GNAO1: variants seen among roughly 807,000 people sequenced by gnomAD.
The protein encoded by GNAO1 is guanine nucleotide-binding protein G(o) subunit alpha.
For synonymous variants in GNAO1, 164 were observed against 180.7 expected, an observed-to-expected ratio of 0.91 and a Z score of 0.74; for missense variants, 166 against 478.7, an observed-to-expected ratio of 0.35 and a Z score of 6.10.
At chr16:56,214,638 G>C (rs985343944) in intron 2 of GNAO1, among the ~76,000 whole-genome samples, 2 of 152,192 alleles carry the variant, frequency 1.3e-5, no homozygotes, top group Non-Finnish European at 2.9e-5. Flanking sequence ...CCTCAAGTCT[G>C]CCCTCAGCAT....
chr16:56,267,779 G>A (rs1269787517), intron 2 of GNAO1, among the ~76,000 whole-genome samples: 6 of 152,194 alleles, frequency 3.9e-5, no homozygotes, highest in South Asian at 4.1e-4. Flanking sequence ...TGTGTCTGTC[G>A]CTTTTATCCC....
At chr16:56,333,193 G>A (rs570603470) in intron 4 of GNAO1, among the ~76,000 whole-genome samples, 1 of 151,026 alleles carries the variant, frequency 6.6e-6, no homozygotes, top group African/African-American at 2.4e-5. Context: ...TCCCAGCCAA[G>A]TGCATTTTCT....
At chr16:56,244,495 G>A (rs765786933) in intron 2 of GNAO1, among the ~76,000 whole-genome samples, 127 of 152,124 alleles carry the variant, frequency 8.3e-4, no homozygotes, top group Non-Finnish European at 1.5e-3. Flanking sequence ...GAGAAGCTTC[G>A]ATTAGCAGTC....
intron 2 of GNAO1, among the ~76,000 whole-genome samples, chr16:56,195,074 CT>C (rs76130140): frequency 0.034 from 3,220 of 93,594 alleles, 101 homozygotes; most frequent in African/African-American, 0.11. Flanking sequence ...TTTACTTCTC[CT>C]TTTTTTTTTT....
At chr16:56,313,530 G>A (rs72814454) in intron 3 of GNAO1, among the ~76,000 whole-genome samples, 6,534 of 151,926 alleles carry the variant, frequency 0.043, 274 homozygotes, top group Admixed American at 0.13. Flanking sequence ...AAAATGGCTC[G>A]GTTCTCACAC....
chr16:56,209,317 T>C (rs1250651484), intron 2 of GNAO1, among the ~76,000 whole-genome samples: 3 of 152,188 alleles, frequency 2.0e-5, no homozygotes, highest in African/African-American at 7.2e-5. Flanking sequence ...TAGCATCCCA[T>C]TGGACTCTAT....
At chr16:56,318,428 T>A (rs897844953) in intron 3 of GNAO1, among the ~76,000 whole-genome samples, 3 of 152,216 alleles carry the variant, frequency 2.0e-5, no homozygotes, top group Non-Finnish European at 4.4e-5. Context: ...GGCCCTGCAA[T>A]GCCTGGTCTC....
At chr16:56,323,371 A>G (rs1478977017) in intron 3 of GNAO1, among the ~76,000 whole-genome samples, 2 of 152,142 alleles carry the variant, frequency 1.3e-5, no homozygotes, top group Non-Finnish European at 2.9e-5. Flanking sequence ...GAAAACACAC[A>G]CTGAAGATAG....
chr16:56,347,925 C>T, intron 6 of GNAO1: 1 of 929,418 alleles, frequency 1.1e-6, no homozygotes, highest in Non-Finnish European at 1.3e-6. Flanking sequence ...CCACCCTGCC[C>T]CTGCTGAGTA....
chr16:56,320,303 G>GT (rs1450457943), intron 3 of GNAO1, among the ~76,000 whole-genome samples: 6 of 152,176 alleles, frequency 3.9e-5, no homozygotes, highest in African/African-American at 1.4e-4. Context: ...ACGTGGAGCC[G>GT]TGTATACTCG....
intron 5 of GNAO1, among the ~76,000 whole-genome samples, chr16:56,335,813 GC>G (rs1233664566): frequency 6.6e-6 from 1 of 152,234 alleles, no homozygotes; most frequent in East Asian, 1.9e-4. Context: ...GGCCACAGAG[GC>G]CATCTGCCAA....
At chr16:56,314,936 A>G (rs1446602769) in intron 3 of GNAO1, among the ~76,000 whole-genome samples, 1 of 152,206 alleles carries the variant, frequency 6.6e-6, no homozygotes, top group Non-Finnish European at 1.5e-5. Flanking sequence ...TCCCAAAGCC[A>G]GTCAGAGGCA....
chr16:56,213,083 C>T (rs1169107106), intron 2 of GNAO1, among the ~76,000 whole-genome samples: 2 of 152,246 alleles, frequency 1.3e-5, no homozygotes, highest in Non-Finnish European at 2.9e-5. Context: ...ACAGCTAAGC[C>T]AGGCCAGACC....
In GNAO1 at chr16:56,275,958, A is replaced by C. The variant is rs1442215455; in HGVS notation, c.189A>C (p.Gly63=). The C allele has an allele frequency of 6.2e-7, 1 of 1,613,696 alleles. No homozygotes were observed. Among genetic ancestry groups the C allele is most frequent in the Non-Finnish European group, 8.5e-7 (1 of 1,179,814 alleles). ...TCATCCATGAAGATGGCTTCTCCGGAGAAGACGTGAAACAGTACAAGCCTG... is the reference window on the plus strand; with the variant it reads ...TCATCCATGAAGATGGCTTCTCCGGCGAAGACGTGAAACAGTACAAGCCTG... ...MKIIHEDGFS[G]EDVKQYKPVV... is the part of the protein sequence containing the mutation. Residue 63 remains glycine, a synonymous_variant, in exon 3 of 9, where the codon GGA becomes GGC. Transcript: ENST00000262493.
intron 3 of GNAO1, among the ~76,000 whole-genome samples, chr16:56,280,560 G>C (rs1187120380): frequency 1.3e-5 from 2 of 152,122 alleles, no homozygotes; most frequent in African/African-American, 2.4e-5. Flanking sequence ...TATGATGATG[G>C]CATGTGCAGA....
At chr16:56,277,676 G>T (rs2037072799) in intron 3 of GNAO1, among the ~76,000 whole-genome samples, 1 of 151,968 alleles carries the variant, frequency 6.6e-6, no homozygotes. Flanking sequence ...CATGGCACAA[G>T]CCACAGGCCT....
In GNAO1 at chr16:56,239,343, G is replaced by GA. The variant is rs534545773; in HGVS notation, c.162-36582dup. Among the ~76,000 whole-genome samples the GA allele has an allele frequency of 3.0e-3, 459 of 152,230 alleles. 2 individuals carry two copies. The highest frequency in any genetic ancestry group is 4.8e-3 in the Non-Finnish European group (326 of 67,982). ...GCCCCAAATAGGTGGTCTCAAAAGA[G>GA]AAAAAAGACTTATGTTTTAATAAAA... is the stretch of plus-strand genomic sequence containing the variant. On this transcript the variant is annotated intron_variant, in intron 2 of 8. Coordinates refer to ENST00000262493, the MANE Select transcript of GNAO1 (RefSeq NM_020988.3).
intron 3 of GNAO1, among the ~76,000 whole-genome samples, chr16:56,298,646 C>T (rs1395306581): frequency 6.6e-6 from 1 of 152,172 alleles, no homozygotes; most frequent in East Asian, 1.9e-4. Context: ...GGCACGATGG[C>T]TCACACCTGT....
At chr16:56,270,134 C>T (rs2037002357) in intron 2 of GNAO1, 1 of 152,252 alleles carries the variant, frequency 6.6e-6, no homozygotes, top group African/African-American at 2.4e-5. Context: ...TGCAGGCGGG[C>T]TTGGTTGCCA....
Sources: allele counts gnomAD v4.1 joint callset (sites outside exome capture counted in the v4.1 genomes callset), GRCh38; gene constraint gnomAD v4.1.1; transcripts MANE v1.5; gene names NCBI Gene and HGNC (gene_info 2026-07-23, HGNC 2026-07-21).